The following TMEM116 variants were observed in gnomAD, a reference collection of about 807,000 sequenced individuals.
TMEM116 encodes the protein transmembrane protein 116.
TMEM116 carries 38 observed loss-of-function variants against 44.3 expected under a neutral mutation model. The observed-to-expected ratio is 0.86, with a 90% CI of 0.66 to 1.12. The LOEUF is 1.12. Among genes scored for constraint, TMEM116 ranks in the 50% most tolerant of loss-of-function variants. TMEM116 has a pLI of 0.00. For missense variants in TMEM116, 354 were observed against 401.7 expected (o/e 0.88, Z 1.01); for synonymous variants, 132 against 144.8 (o/e 0.91, Z 0.64).
chr12:111,956,779 T>C (rs2136346758), intron 4 of TMEM116, among the ~76,000 whole-genome samples: 1 of 152,294 alleles, frequency 6.6e-6, no homozygotes, highest in South Asian at 2.1e-4. Context: ...CCTCCTGAAG[T>C]GCTGGGATTG....
intron 4 of TMEM116, 122 bp from the exon 5 acceptor site, chr12:111,943,491 A>G: frequency 1.4e-6 from 1 of 719,134 alleles, no homozygotes; most frequent in Non-Finnish European, 2.4e-6. Context: ...GTAATGTACC[A>G]TCTAGTGTCC....
At chr12:112,002,380 C>T (rs1439304770) in intron 3 of TMEM116, among the ~76,000 whole-genome samples, 4 of 133,898 alleles carry the variant, frequency 3.0e-5, no homozygotes, top group African/African-American at 1.1e-4. Flanking sequence ...GCAACAAGAG[C>T]GAAACTCTGT....
intron 4 of TMEM116, among the ~76,000 whole-genome samples, chr12:111,975,850 CA>C (rs1396305192): frequency 6.6e-6 from 1 of 152,044 alleles, no homozygotes; most frequent in African/African-American, 2.4e-5. Context: ...CTCAGGCCCA[CA>C]AAAATAAATG....
intron 4 of TMEM116, among the ~76,000 whole-genome samples, chr12:111,958,440 C>T (rs1190656019): frequency 3.3e-5 from 5 of 152,132 alleles, no homozygotes; most frequent in Non-Finnish European, 7.4e-5. Context: ...ACCTCTTCTC[C>T]TCCAAAGGAT....
At chr12:111,994,607 C>T (rs918868010) in intron 3 of TMEM116, among the ~76,000 whole-genome samples, 3 of 152,110 alleles carry the variant, frequency 2.0e-5, no homozygotes, top group Non-Finnish European at 2.9e-5. Flanking sequence ...AATGTAACAT[C>T]GGTATGCATA....
chr12:111,943,088 A>AT (rs1057408777), intron 5 of TMEM116, among the ~76,000 whole-genome samples, 177 bp downstream of exon 5: 2 of 151,808 alleles, frequency 1.3e-5, no homozygotes, highest in Non-Finnish European at 2.9e-5. Flanking sequence ...TGCCCGGCTA[A>AT]TTTTTTTGGT....
chr12:112,010,898 C>A (rs1404339459), intron 1 of TMEM116: 1 of 152,290 alleles, frequency 6.6e-6, no homozygotes, highest in African/African-American at 2.4e-5. Flanking sequence ...CTACTCCAGT[C>A]TGCAGGACTG....
intron 4 of TMEM116, chr12:111,978,765 C>A: frequency 2.2e-6 from 1 of 444,864 alleles, no homozygotes; most frequent in South Asian, 1.6e-5. Flanking sequence ...TTATCTTAAT[C>A]TTGGACCTTC....
At chr12:112,002,156 T>C (rs1000976956) in intron 3 of TMEM116, among the ~76,000 whole-genome samples, 1 of 152,148 alleles carries the variant, frequency 6.6e-6, no homozygotes, top group Non-Finnish European at 1.5e-5. Context: ...ATTAAGAGTA[T>C]TGACTTTTAA....
chr12:111,970,282 T>A (rs1198401021), intron 4 of TMEM116, among the ~76,000 whole-genome samples: 7 of 137,674 alleles, frequency 5.1e-5, no homozygotes, highest in African/African-American at 1.9e-4. Flanking sequence ...TGACTCCATC[T>A]CCAAAAAAAA....
intron 4 of TMEM116, among the ~76,000 whole-genome samples, chr12:111,989,162 C>T (rs1334947331): frequency 2.0e-5 from 3 of 152,172 alleles, no homozygotes; most frequent in African/African-American, 7.2e-5. Context: ...AGAAGTCAAA[C>T]TTGGAGAAGT....
intron 3 of TMEM116, among the ~76,000 whole-genome samples, chr12:111,999,942 C>G (rs767215044): frequency 1.2e-4 from 19 of 152,154 alleles, no homozygotes; most frequent in Non-Finnish European, 2.2e-4. Context: ...TAGGACTGCT[C>G]TTGCAGGCTA....
At chr12:111,997,271 T>C (rs1317699266) in intron 3 of TMEM116, among the ~76,000 whole-genome samples, 2 of 152,234 alleles carry the variant, frequency 1.3e-5, no homozygotes, top group African/African-American at 4.8e-5. Context: ...TTTAAAGTCC[T>C]GGCCAAGCAC....
At chr12:111,963,800 G>C (rs1215549328) in intron 4 of TMEM116, among the ~76,000 whole-genome samples, 1 of 152,032 alleles carries the variant, frequency 6.6e-6, no homozygotes, top group Middle Eastern at 3.2e-3. Flanking sequence ...ACATACGCCA[G>C]AACTTAAAGT....
intron 4 of TMEM116, among the ~76,000 whole-genome samples, chr12:111,958,688 C>T (rs1359609216): frequency 6.6e-6 from 1 of 152,042 alleles, no homozygotes; most frequent in African/African-American, 2.4e-5. Flanking sequence ...AGCACAAGAA[C>T]TTCGTGAAAC....
intron 4 of TMEM116, among the ~76,000 whole-genome samples, chr12:111,958,451 C>CA (rs1238519417): frequency 1.3e-5 from 2 of 152,052 alleles, no homozygotes; most frequent in African/African-American, 4.8e-5. Context: ...TCCAAAGGAT[C>CA]ACAACTCCTT....
chr12:112,003,678 A>G, intron 3 of TMEM116, 122 bp downstream of exon 3: 1 of 1,370,816 alleles, frequency 7.3e-7, no homozygotes, highest in Non-Finnish European at 9.5e-7. Flanking sequence ...TCATTGTATC[A>G]TCATGACAAA....
At chr12:111,981,226 T>C (rs1463009362) in intron 4 of TMEM116, among the ~76,000 whole-genome samples, 3 of 152,190 alleles carry the variant, frequency 2.0e-5, no homozygotes, top group African/African-American at 4.8e-5. Flanking sequence ...ACAATTAAGC[T>C]GGATAAAAAC....
intron 4 of TMEM116, among the ~76,000 whole-genome samples, chr12:111,976,963 C>T (rs530999369): frequency 2.0e-5 from 3 of 152,004 alleles, no homozygotes; most frequent in South Asian, 2.1e-4. Flanking sequence ...AGGAACAGAA[C>T]AACAGTGGAA....
Sources: allele counts gnomAD v4.1 joint callset (sites outside exome capture counted in the v4.1 genomes callset), GRCh38; gene constraint gnomAD v4.1.1; transcripts MANE v1.5; gene names NCBI Gene and HGNC (gene_info 2026-07-23, HGNC 2026-07-21).